RGS6: variants seen among roughly 807,000 people sequenced by gnomAD.
RGS6 encodes regulator of G-protein signaling 6.
In RGS6, 30 loss-of-function variants were observed where a neutral mutation model predicts 78.5. The ratio of observed to expected loss-of-function variants is 0.38; its 90% CI spans 0.29 to 0.52. The LOEUF (loss-of-function observed/expected upper bound fraction) is 0.52. Ranked by LOEUF, RGS6 falls within the 20% of genes least tolerant of loss-of-function variation. The pLI, the probability that RGS6 is intolerant of heterozygous loss-of-function variation, is 0.85. For missense variants in RGS6, 495 were observed against 609.7 expected (o/e 0.81, Z 1.98); for synonymous variants, 206 against 206.0 (o/e 1.00, Z 0.00).
intron 6 of RGS6, among the ~76,000 whole-genome samples, chr14:72,464,050 T>C (rs1273866444): frequency 6.6e-6 from 1 of 152,236 alleles, no homozygotes; most frequent in Non-Finnish European, 1.5e-5. Flanking sequence ...TTTTAGTTTC[T>C]TAAATCAACC....
chr14:72,569,611 T>C (rs2097717952), downstream of RGS6, among the ~76,000 whole-genome samples: 1 of 139,774 alleles, frequency 7.2e-6, no homozygotes, highest in African/African-American at 2.7e-5. Flanking sequence ...ACCCAGGAGG[T>C]GGAGGTTACA....
intron 2 of RGS6, among the ~76,000 whole-genome samples, chr14:72,115,294 C>T (rs1567233644): frequency 6.6e-6 from 1 of 152,172 alleles, no homozygotes; most frequent in Non-Finnish European, 1.5e-5. Context: ...TGGAAAGTTG[C>T]TGTGTCTCTC....
intron 2 of RGS6, among the ~76,000 whole-genome samples, chr14:72,030,489 G>C (rs919177403): frequency 5.3e-5 from 8 of 152,152 alleles, no homozygotes; most frequent in African/African-American, 1.9e-4. Context: ...GGTTGATTAT[G>C]GTATGAGTTT....
chr14:72,314,319 G>A (rs1207952186), intron 2 of RGS6, among the ~76,000 whole-genome samples: 1 of 152,146 alleles, frequency 6.6e-6, no homozygotes, highest in Non-Finnish European at 1.5e-5. Context: ...ATCACAAGAT[G>A]GCTGCTGTGG....
At chr14:72,510,656 G>T (rs1399860497) in intron 14 of RGS6, among the ~76,000 whole-genome samples, 2 of 152,184 alleles carry the variant, frequency 1.3e-5, no homozygotes, top group Non-Finnish European at 2.9e-5. Flanking sequence ...CCCAGTCTGG[G>T]GTCCTGAATA....
At chr14:72,621,338 C>T in the RGS6 span, among the ~76,000 whole-genome samples, 3 of 151,902 alleles carry the variant, frequency 2.0e-5, no homozygotes, top group African/African-American at 7.3e-5. Context: ...GTGATCTGGC[C>T]CCACCCCCTA....
intron 2 of RGS6, among the ~76,000 whole-genome samples, chr14:72,171,208 G>T (rs149664): frequency 6.6e-6 from 1 of 151,850 alleles, no homozygotes; most frequent in Non-Finnish European, 1.5e-5. Context: ...GTCTGTGCAT[G>T]CATGCGTACA....
chr14:72,371,391 A>C (rs903825396), intron 3 of RGS6, among the ~76,000 whole-genome samples: 6 of 152,254 alleles, frequency 3.9e-5, no homozygotes, highest in Admixed American at 3.3e-4. Flanking sequence ...AGGAAAAGAC[A>C]GGCAGTTTAT....
chr14:72,322,911 AATAC>A (rs1325416952), intron 2 of RGS6, among the ~76,000 whole-genome samples: 2 of 152,104 alleles, frequency 1.3e-5, no homozygotes, highest in Admixed American at 1.3e-4. Flanking sequence ...TACATATACC[AATAC>A]ATACTTAGTA....
chr14:72,268,446 T>C (rs2059408132), intron 2 of RGS6, among the ~76,000 whole-genome samples: 1 of 152,318 alleles, frequency 6.6e-6, no homozygotes, highest in Admixed American at 6.5e-5. Flanking sequence ...ACTTCCTCCC[T>C]TGGGAGGTGT....
At chr14:72,322,330 TATAAAATTACCAGGCATG>T (rs2072318065) in intron 2 of RGS6, among the ~76,000 whole-genome samples, 2 of 151,730 alleles carry the variant, frequency 1.3e-5, no homozygotes, top group African/African-American at 4.8e-5. Flanking sequence ...TCTAGGAAAA[TATAAAATTACCAGGCATG>T]ACCCCAGATG....
At chr14:72,482,957 C>T (rs2096411504) in intron 12 of RGS6, among the ~76,000 whole-genome samples, 2 of 152,138 alleles carry the variant, frequency 1.3e-5, no homozygotes, top group African/African-American at 4.8e-5. Flanking sequence ...TTCCCGATAA[C>T]AATGAACCTT....
intron 1 of RGS6, among the ~76,000 whole-genome samples, chr14:71,941,763 G>A (rs2090607446): frequency 6.6e-6 from 1 of 152,162 alleles, no homozygotes; most frequent in African/African-American, 2.4e-5. Context: ...GCCTTCCCCA[G>A]CCCAATGACT....
intron 2 of RGS6, among the ~76,000 whole-genome samples, chr14:72,193,363 G>C (rs1008818832): frequency 6.6e-6 from 1 of 152,218 alleles, no homozygotes; most frequent in Non-Finnish European, 1.5e-5. Context: ...TGCATTAGTA[G>C]CAACTGCTCC....
At chr14:72,452,224 T>TTCTCTCTC (rs56308165) in intron 3 of RGS6, among the ~76,000 whole-genome samples, 2,133 of 148,026 alleles carry the variant, frequency 0.014, 23 homozygotes, top group Middle Eastern at 0.031. Flanking sequence ...CACATATTCA[T>TTCTCTCTC]TCTCTCTCTC....
chr14:72,576,146 G>A, the RGS6 span, among the ~76,000 whole-genome samples: 1 of 152,208 alleles, frequency 6.6e-6, no homozygotes, highest in East Asian at 1.9e-4. Context: ...AAGCTCTCTT[G>A]TCACATTTTA....
At chr14:72,597,694 T>A in the RGS6 span, among the ~76,000 whole-genome samples, 1 of 152,240 alleles carries the variant, frequency 6.6e-6, no homozygotes. Flanking sequence ...TAATCCATCA[T>A]CTCAAACATT....
intron 2 of RGS6, among the ~76,000 whole-genome samples, chr14:72,185,714 G>A (rs533030853): frequency 2.0e-5 from 3 of 152,180 alleles, no homozygotes; most frequent in African/African-American, 7.2e-5. Context: ...GGAGGCTGAG[G>A]TGAGCGGATT....
chr14:72,211,942 A>T (rs2044273376), intron 2 of RGS6, among the ~76,000 whole-genome samples: 1 of 152,208 alleles, frequency 6.6e-6, no homozygotes, highest in African/African-American at 2.4e-5. Flanking sequence ...ATTGATTACA[A>T]GTTAATCTAG....
Sources: gnomAD v4.1 joint callset for allele counts (sites outside exome capture counted in the v4.1 genomes callset) on GRCh38, gnomAD v4.1.1 for gene constraint, MANE v1.5 for transcripts, NCBI Gene and HGNC (gene_info 2026-07-23, HGNC 2026-07-21) for gene names.